Variants in DRG2 observed in about 807,000 individuals in gnomAD.
The protein encoded by DRG2 is developmentally-regulated GTP-binding protein 2.
In DRG2, 36 loss-of-function variants were observed where a neutral mutation model predicts 53.4. The observed-to-expected ratio is 0.67, with a 90% CI of 0.52 to 0.89. The LOEUF is 0.89. Ranked by LOEUF, DRG2 falls within the 40% of genes least tolerant of loss-of-function variation. The pLI is 0.00. For missense variants in DRG2, 342 were observed against 481.2 expected, an observed-to-expected ratio of 0.71 and a Z score of 2.71; for synonymous variants, 167 against 192.1, an observed-to-expected ratio of 0.87 and a Z score of 1.08.
rs1292892788 is a variant in DRG2, at chr17:18,088,229, G to A, written c.64+142G>A. ...GCCAGACAAGTGCCGAGGCCGCCCT[G>A]CGCGCCCAAGGCAGGGCCAGGCGGG... On this transcript the variant is annotated intron_variant, in intron 1 of 12. Coordinates refer to ENST00000225729, the MANE Select transcript of DRG2 (RefSeq NM_001388.5). 6 of 1,080,420 alleles carry A rather than the reference G, an allele frequency of 5.6e-6. No individual in the cohort carries two copies. In the African/African-American group the frequency reaches 8.0e-5, roughly 14 times the overall value. The allele number at this position is 1,080,420 out of a possible 1,614,324, so 66.9% of individuals were successfully genotyped here.
chr17:18,094,096 C>T (rs2045385845), intron 2 of DRG2, 123 bp downstream of exon 2: 2 of 1,321,030 alleles, frequency 1.5e-6, no homozygotes, highest in South Asian at 3.0e-5. Context: ...GACCTGGCCT[C>T]CCCCAGGGTC....
chr17:18,104,578 T>C lies in DRG2; in HGVS notation c.896-45T>C, dbSNP rs201697603. On this transcript the variant is annotated intron_variant, in intron 10 of 12. Coordinates refer to ENST00000225729, the MANE Select transcript of DRG2 (RefSeq NM_001388.5). ...CGCGCAGAATCACAAGATGGCAGTG[T>C]GGGCCCTGATGTGTGGCTGACGTTC... is the stretch of plus-strand genomic sequence containing the variant. 1.7e-3 allele frequency: 2,764 copies of C among 1,613,080 alleles called. 6 individuals carry two copies. The highest frequency in any genetic ancestry group is 2.2e-3 in the Non-Finnish European group (2,564 of 1,179,748).
intron 1 of DRG2, among the ~76,000 whole-genome samples, chr17:18,088,561 A>G (rs2045257852): frequency 2.0e-5 from 3 of 152,222 alleles, no homozygotes; most frequent in Admixed American, 2.0e-4. Context: ...CAGGTCCACC[A>G]CGTACCTTCT....
In DRG2 at chr17:18,098,182, C is replaced by T; in HGVS notation, c.226-88C>T. The T allele has an allele frequency of 9.1e-7, 1 of 1,094,976 alleles. No homozygotes were observed. Among genetic ancestry groups the T allele is most frequent in the East Asian group, 2.4e-5 (1 of 41,106 alleles). 67.8% of individuals were successfully genotyped at this position (1,094,976 alleles called of 1,614,324 possible). On this transcript the variant is annotated intron_variant, in intron 2 of 12. Coordinates refer to ENST00000225729, the MANE Select transcript of DRG2 (RefSeq NM_001388.5). This position sits in a 1 kb window ranked among gnomAD's most constrained non-coding sequence, Gnocchi z 4.1. ...AGGGTGAGAGGGTCTCCTCCTGCTG[C>T]CTGCACCTGCAGGCCCCCAGCCCCT...
chr17:18,098,102 G>T lies in DRG2; in HGVS notation c.226-168G>T. ...GTCTGACCCATCCAGGACAGGGCCAGAGGTGAGCCCTCTGGCTGGGAGGTC... is the reference window on the plus strand; with the variant it reads ...GTCTGACCCATCCAGGACAGGGCCATAGGTGAGCCCTCTGGCTGGGAGGTC... On this transcript the variant is annotated intron_variant, in intron 2 of 12. Transcript: ENST00000225729. The surrounding 1 kb of genome is among the most constrained non-coding windows in gnomAD (Gnocchi z 4.1). 3.3e-6 allele frequency: 2 copies of T among 608,466 alleles called. No homozygotes were observed. The allele number at this position is 608,466 out of a possible 1,614,324, so 37.7% of individuals were successfully genotyped here.
At chr17:18,102,876 G>C (rs2045565224) in intron 9 of DRG2, among the ~76,000 whole-genome samples, 1 of 152,212 alleles carries the variant, frequency 6.6e-6, no homozygotes, top group Non-Finnish European at 1.5e-5. Context: ...AGCCTGGCAG[G>C]CTCCTCTTTG....
chr17:18,089,392 G>A (rs956842758), intron 1 of DRG2, among the ~76,000 whole-genome samples: 10 of 152,094 alleles, frequency 6.6e-5, no homozygotes, highest in African/African-American at 2.4e-4. Flanking sequence ...CACCCGCCTC[G>A]GCCTCCCAAA....
At chr17:18,106,331 C>A in intron 11 of DRG2, 102 bp from the exon 12 acceptor site, 3 of 1,378,488 alleles carry the variant, frequency 2.2e-6, no homozygotes, top group Non-Finnish European at 3.1e-6. Context: ...CGCGGGAACT[C>A]CTGCCTCTTG....
At chr17:18,090,368 TTATATATATA>T (rs1242491729) in intron 1 of DRG2, among the ~76,000 whole-genome samples, 285 of 25,468 alleles carry the variant, frequency 0.011, 3 homozygotes, top group African/African-American at 0.029. Context: ...CCGGGCTAAT[TTATATATATA>T]TATATATATA....
intron 1 of DRG2, 141 bp from the exon 2 acceptor site, chr17:18,093,672 C>G (rs1432844552): frequency 3.0e-6 from 3 of 990,980 alleles, no homozygotes; most frequent in Non-Finnish European, 4.4e-6. Context: ...GCCTTTTAAG[C>G]AGAGAGATTT....
intron 9 of DRG2, among the ~76,000 whole-genome samples, chr17:18,102,211 G>A (rs2045550239): frequency 6.6e-6 from 1 of 152,256 alleles, no homozygotes; most frequent in African/African-American, 2.4e-5. Flanking sequence ...CTTCATAGCT[G>A]CTGGAGGCAT....
intron 9 of DRG2, among the ~76,000 whole-genome samples, chr17:18,102,466 C>T (rs2045554516): frequency 7.3e-6 from 1 of 136,586 alleles, no homozygotes; most frequent in Non-Finnish European, 1.6e-5. Context: ...ACTAAAAATA[C>T]AAAAATTAGC....
intron 2 of DRG2, 103 bp downstream of exon 2, chr17:18,094,076 G>GTCTTCTGTGTCCCTGGA: frequency 1.4e-6 from 2 of 1,460,010 alleles, no homozygotes; most frequent in Non-Finnish European, 1.8e-6. Context: ...TTAGCTCCAG[G>GTCTTCTGTGTCCCTGGA]GACACAGAAG....
chr17:18,101,721 G>A (rs2045540341), intron 8 of DRG2, 131 bp downstream of exon 8: 5 of 1,078,528 alleles, frequency 4.6e-6, no homozygotes, highest in Non-Finnish European at 6.7e-6. Flanking sequence ...TCACCTCAGT[G>A]GCTGCTTGGA....
intron 9 of DRG2, among the ~76,000 whole-genome samples, chr17:18,102,379 T>C (rs1235064942): frequency 1.3e-5 from 2 of 151,960 alleles, no homozygotes; most frequent in Non-Finnish European, 2.9e-5. Context: ...TCCCAGCACT[T>C]TGGGGGGCTG....
chr17:18,092,807 A>G (rs1483205861), intron 1 of DRG2, among the ~76,000 whole-genome samples: 1 of 152,164 alleles, frequency 6.6e-6, no homozygotes, highest in Non-Finnish European at 1.5e-5. Flanking sequence ...ATCACTGGGG[A>G]TGTGACAGCC....
chr17:18,104,035 T>A, intron 10 of DRG2, 146 bp downstream of exon 10: 1 of 760,990 alleles, frequency 1.3e-6, no homozygotes, highest in Non-Finnish European at 2.1e-6. Flanking sequence ...TTCTCAGCAC[T>A]GGGCACTGCT....
At chr17:18,093,737 G>T in intron 1 of DRG2, 76 bp from the exon 2 acceptor site, 1 of 1,513,000 alleles carries the variant, frequency 6.6e-7, no homozygotes, top group South Asian at 1.3e-5. Context: ...AGCACTTGGC[G>T]ACATGTGGGC....
In DRG2 at chr17:18,098,925, C is replaced by T; in HGVS notation, c.316-92C>T. 6.8e-7 allele frequency: 1 copy of T among 1,460,688 alleles called. No individual in the cohort carries two copies. Among genetic ancestry groups the T allele is most frequent in the Non-Finnish European group, 9.5e-7 (1 of 1,053,566 alleles). The allele number at this position is 1,460,688 out of a possible 1,614,324, so 90.5% of individuals were successfully genotyped here. On this transcript the variant is annotated intron_variant, in intron 3 of 12. Coordinates refer to ENST00000225729, the MANE Select transcript of DRG2 (RefSeq NM_001388.5). This position sits in a 1 kb window ranked among gnomAD's most constrained non-coding sequence, Gnocchi z 4.1. ...ATCTGGGTTTCCCTCAGCCCCTGAG[C>T]CCCGGGGCCATTCCAGATGTCCCAG...
Sources: gnomAD v4.1 joint callset for allele counts (sites outside exome capture counted in the v4.1 genomes callset) on GRCh38, gnomAD v4.1.1 for gene constraint, Gnocchi (gnomAD v3.1) non-coding constraint, MANE v1.5 for transcripts, NCBI Gene and HGNC (gene_info 2026-07-23, HGNC 2026-07-21) for gene names.